Variants in TPR observed in about 807,000 individuals in gnomAD.
TPR encodes the protein translocated promoter region, nuclear basket protein, also known as nucleoprotein TPR.
A neutral mutation model predicts 316.1 loss-of-function variants in TPR; 51 were observed. That is an observed-to-expected ratio of 0.16 (90% CI 0.13 to 0.20). The LOEUF (loss-of-function observed/expected upper bound fraction) is 0.20. Among genes scored for constraint, TPR ranks in the 10% least tolerant of loss-of-function variants. The pLI is 1.00. For synonymous variants in TPR, 981 were observed against 914.7 expected (o/e 1.07, Z -1.31); for missense variants, 2,272 against 2,754.8 (o/e 0.82, Z 3.92).
chr1:186,367,836 A>G (rs370548437), intron 4 of TPR, 50 bp downstream of exon 4: 1 of 1,387,464 alleles, frequency 7.2e-7, no homozygotes, highest in East Asian at 2.3e-5. Context: ...TAGCACTAAC[A>G]GAAGAAAAAT....
At position 186,337,005 on chromosome 1, in the gene TPR, A is replaced by G. The variant is rs1658358176; in HGVS notation, c.4506+8T>C. 2.5e-6 allele frequency: 4 copies of G among 1,613,606 alleles called. No homozygotes were observed. In the East Asian group the frequency reaches 8.9e-5, roughly 36 times the overall value. Reference sequence around the variant, plus strand: ...AGAATTAGGAACAGACTGTTCTCACACTCATACCTTCTGCAGATTCTCTAC... The same window carrying G: ...AGAATTAGGAACAGACTGTTCTCACGCTCATACCTTCTGCAGATTCTCTAC... On this transcript the variant is annotated splice_region_variant and intron_variant, in intron 32 of 50. Transcript: ENST00000367478.
At chr1:186,362,224 G>A in intron 7 of TPR, 64 bp downstream of exon 7, 4 of 1,356,498 alleles carry the variant, frequency 2.9e-6, no homozygotes, top group East Asian at 2.3e-5. Flanking sequence ...ATCATTTTGT[G>A]AAATAACAGC....
chr1:186,315,643 T>C (rs1357064362), intron 49 of TPR, among the ~76,000 whole-genome samples: 1 of 151,874 alleles, frequency 6.6e-6, no homozygotes, highest in Non-Finnish European at 1.5e-5. Context: ...TCAGATCATG[T>C]CATGTCATTA....
rs1659198313 is a variant in TPR, at chr1:186,361,783, A to G, written c.870+6T>C. 1 of 1,613,132 alleles carries G rather than the reference A, an allele frequency of 6.2e-7. No individual in the cohort carries two copies. The highest frequency in any genetic ancestry group is 1.7e-5 in the Admixed American group (1 of 59,928). The stretch of plus-strand genomic sequence containing the variant: ...TAGATACTAACATGTGTGGTGGGAT[A>G]TTTACCTTGTACAAATTAGAAAGTT... On this transcript the variant is annotated splice_donor_region_variant and intron_variant, in intron 8 of 50. Coordinates refer to ENST00000367478, the MANE Select transcript of TPR (RefSeq NM_003292.3).
Position 186,336,392 on chromosome 1 carries a change from AC to A in TPR, c.4705+103del, listed in dbSNP as rs1480143453. ...TTAAAGCACACATACACACACAAAC[AC>A]CCTTCATAAGTAGATACCTTTTATT... On this transcript the variant is annotated intron_variant, in intron 33 of 50. Transcript: ENST00000367478. 4.7e-6 allele frequency: 5 copies of A among 1,065,684 alleles called. No homozygotes were observed. In the Admixed American group the frequency reaches 9.5e-5, roughly 20 times the overall value. The allele number at this position is 1,065,684 out of a possible 1,614,324, so 66.0% of individuals were successfully genotyped here. A position where few individuals can be genotyped will look rare whatever the true frequency, so the allele number is the denominator to read the frequency against.
intron 45 of TPR, among the ~76,000 whole-genome samples, chr1:186,321,150 G>A (rs1409944788): frequency 6.6e-6 from 1 of 152,156 alleles, no homozygotes; most frequent in Non-Finnish European, 1.5e-5. Flanking sequence ...GTCTCTTCCT[G>A]AGTGCTGACT....
intron 36 of TPR, among the ~76,000 whole-genome samples, 192 bp from the exon 37 acceptor site, chr1:186,333,586 A>G (rs1347161074): frequency 6.6e-6 from 1 of 152,102 alleles, no homozygotes; most frequent in African/African-American, 2.4e-5. Flanking sequence ...ATGCAATAAA[A>G]TGTTGCCTGA....
chr1:186,312,877 A>C lies in TPR; in HGVS notation c.*1094T>G. 6.2e-7 allele frequency: 1 copy of C among 1,612,612 alleles called. No individual in the cohort carries two copies. The highest frequency in any genetic ancestry group is 8.5e-7 in the Non-Finnish European group (1 of 1,178,608). On this transcript the variant is annotated 3_prime_UTR_variant, in exon 51 of 51. Transcript: ENST00000367478. ...ATCAGAAAACCTGACGGCTATGATT[A>C]CTATGCCTTTTCTAAAGGTAAGGTA...
chr1:186,349,354 G>C (rs1264456219), intron 21 of TPR, among the ~76,000 whole-genome samples: 3 of 152,138 alleles, frequency 2.0e-5, no homozygotes, highest in Admixed American at 6.6e-5. Flanking sequence ...TATTTCCCTT[G>C]TGTTAAGAAA....
intron 13 of TPR, 145 bp from the exon 14 acceptor site, chr1:186,357,768 T>C (rs967520700): frequency 7.3e-6 from 5 of 680,572 alleles, no homozygotes; most frequent in African/African-American, 7.3e-5. Flanking sequence ...AAAGCATCCT[T>C]GGATATTAAA....
In TPR at chr1:186,351,606, G is replaced by T. The variant is rs967628843; in HGVS notation, c.2470-136C>A. 6.7e-6 allele frequency: 6 copies of T among 900,764 alleles called. No homozygotes were observed. The African/African-American group carries it at 1.0e-4, about 16-fold the overall frequency. The allele number at this position is 900,764 out of a possible 1,614,324, so 55.8% of individuals were successfully genotyped here. On this transcript the variant is annotated intron_variant, in intron 19 of 50. Transcript: ENST00000367478. ...AGCTAAAATCTACAGTATTTATCAA[G>T]AAAGTATTCTGGTATTTTTTATATT...
chr1:186,362,106 T>A (rs1307622331), intron 7 of TPR, among the ~76,000 whole-genome samples, 182 bp downstream of exon 7: 1 of 152,024 alleles, frequency 6.6e-6, no homozygotes, highest in Non-Finnish European at 1.5e-5. Context: ...GATAGTATTT[T>A]CAATATAACA....
rs762215643 is a variant in TPR at position 186,345,584 on chromosome 1, T to G, written c.3209A>C (p.Glu1070Ala). The G allele has an allele frequency of 6.2e-7, 1 of 1,611,876 alleles. No homozygotes were observed. Among genetic ancestry groups the G allele is most frequent in the Non-Finnish European group, 8.5e-7 (1 of 1,178,450 alleles). The change falls in exon 24 of 51, where the codon GAA becomes GCA. Residue 1070 changes from glutamate to alanine, a missense_variant. By Grantham distance (107) the Glu-to-Ala change is moderately radical (BLOSUM62 -1). This residue lies in a region of TPR where 757 missense variants were observed against 859.8 expected (regional missense o/e 0.88). Coordinates refer to ENST00000367478, the MANE Select transcript of TPR (RefSeq NM_003292.3). ...NEQQARRDCQEQAKIAVEAQN... is the reference protein window; with the variant it reads ...NEQQARRDCQAQAKIAVEAQN... Reference sequence around the variant, plus strand: ...TCAATAATTGGCTATACTTACTTGTTCCTGACAGTCACGTCTGGCTTGCTG... The same window carrying G: ...TCAATAATTGGCTATACTTACTTGTGCCTGACAGTCACGTCTGGCTTGCTG...
rs772537868 is a variant in TPR, at chr1:186,322,529, T to C, written c.6355A>G (p.Ile2119Val). 6.2e-7 allele frequency: 1 copy of C among 1,613,984 alleles called. No homozygotes were observed. Among genetic ancestry groups the C allele is most frequent in the Non-Finnish European group, 8.5e-7 (1 of 1,179,970 alleles). ...GGGTAAGTACTTACCATGCCACCTA[T>C]TCCTGGAGTCAACTGAAGGCCACGT... The part of the protein sequence containing the change: ...VGRGLQLTPG[I>V]GGMQQHFFDD... Residue 2119 changes from isoleucine (I) to valine (V), a missense_variant, in exon 44 of 51, where the codon ATA becomes GTA. Ile to Val is a conservative substitution (Grantham distance 29, BLOSUM62 3). This residue lies in a region of TPR where 88 missense variants were observed against 176.2 expected (regional missense o/e 0.50). Coordinates refer to ENST00000367478, the MANE Select transcript of TPR (RefSeq NM_003292.3).
intron 40 of TPR, among the ~76,000 whole-genome samples, chr1:186,327,004 TA>T: frequency 1.1e-5 from 1 of 87,774 alleles, no homozygotes; most frequent in Admixed American, 1.9e-4. Context: ...TATAATATAT[TA>T]AATATATAAT....
intron 45 of TPR, 40 bp from the exon 46 acceptor site, chr1:186,320,458 T>C (rs748199052): frequency 1.3e-6 from 2 of 1,547,442 alleles, no homozygotes; most frequent in Non-Finnish European, 1.8e-6. Flanking sequence ...AATTTAAAGT[T>C]AACCTATTTA....
chr1:186,346,436 A>G lies in TPR; in HGVS notation c.2944-149T>C, dbSNP rs1412469735. 8.8e-6 allele frequency: 7 copies of G among 795,320 alleles called. No individual in the cohort carries two copies. The African/African-American group carries it at 1.2e-4, about 14-fold the overall frequency. 49.3% of individuals were successfully genotyped at this position (795,320 alleles called of 1,614,324 possible). On this transcript the variant is annotated intron_variant, in intron 22 of 50. Transcript: ENST00000367478. ...AGAATCCATCAAAGGTGATTAGAAG[A>G]TTCAACAACAAGCAAAAACACCATA...
intron 25 of TPR, 65 bp downstream of exon 25, chr1:186,344,310 T>C (rs766948452): frequency 2.6e-6 from 4 of 1,561,842 alleles, no homozygotes; most frequent in Middle Eastern, 1.7e-4. Context: ...CAAAACATTA[T>C]AAAATAAAGA....
At chr1:186,368,021 G>A in intron 3 of TPR, 39 bp from the exon 4 acceptor site, 1 of 1,436,488 alleles carries the variant, frequency 7.0e-7, no homozygotes, top group Non-Finnish European at 9.7e-7. Context: ...AAATCAAGTA[G>A]AGCAATACAG....
Sources: gnomAD v4.1 joint callset for allele counts (sites outside exome capture counted in the v4.1 genomes callset) on GRCh38, gnomAD v4.1.1 for gene constraint, gnomAD v4.1.1 regional missense constraint, MANE v1.5 for transcripts, NCBI Gene and HGNC (gene_info 2026-07-23, HGNC 2026-07-21) for gene names.